TRRAP: variants seen among roughly 807,000 people sequenced by gnomAD.
The protein encoded by TRRAP is transformation/transcription domain associated protein.
Under a neutral mutation model 438.8 loss-of-function variants are expected in TRRAP, and 41 were observed. The ratio of observed to expected loss-of-function variants is 0.09; its 90% confidence interval spans 0.07 to 0.12. The LOEUF is 0.12. TRRAP is among the 10% of genes least tolerant of loss of function. TRRAP has a pLI of 1.00. For missense variants in TRRAP, 3,122 were observed against 5,055.1 expected (o/e 0.62, Z 11.60); for synonymous variants, 1,994 against 1,962.9 (o/e 1.02, Z -0.42).
At position 99,008,528 on chromosome 7, in the gene TRRAP, G is replaced by A. The variant is rs149654185; in HGVS notation, c.10905G>A (p.Thr3635=). 1.8e-5 allele frequency: 29 copies of A among 1,613,960 alleles called. No homozygotes were observed. Among genetic ancestry groups the A allele is most frequent in the Middle Eastern group, 1.6e-4 (1 of 6,062 alleles). Residue 3635 remains threonine, a synonymous_variant, in exon 70 of 73, where the codon ACG becomes ACA. Transcript: ENST00000456197. The part of the protein sequence containing the change: ...PISRYYDRLA[T]VQARGTQASH... ...CCCGTTACTATGACCGGCTGGCTAC[G>A]GTGCAGGCGCGGGGAACCCAAGCCA...
intron 46 of TRRAP, 69 bp from the exon 47 acceptor site, chr7:98,962,233 G>A: frequency 6.2e-7 from 1 of 1,607,378 alleles, no homozygotes; most frequent in Non-Finnish European, 8.5e-7. Context: ...CCAGCACTCA[G>A]TCCCTGGCAT....
intron 48 of TRRAP, among the ~76,000 whole-genome samples, chr7:98,965,316 C>T (rs1200303505): frequency 6.6e-6 from 1 of 152,218 alleles, no homozygotes; most frequent in African/African-American, 2.4e-5. Flanking sequence ...TCACAGGCTC[C>T]AGAGCTGAGC....
intron 20 of TRRAP, among the ~76,000 whole-genome samples, chr7:98,920,418 C>T (rs1050688353): frequency 2.0e-5 from 3 of 150,792 alleles, no homozygotes; most frequent in East Asian, 2.0e-4. Context: ...TGCAGTGAGC[C>T]GAGATTGCAC....
At position 98,965,802 on chromosome 7, in the gene TRRAP, C is replaced by G. The variant is rs1792126470; in HGVS notation, c.7083C>G (p.Leu2361=). 2 of 1,614,028 alleles carry G rather than the reference C, an allele frequency of 1.2e-6. No homozygotes were observed. The change falls in exon 49 of 73, where the codon CTC becomes CTG. Residue 2361 remains leucine (L), a synonymous_variant. Coordinates refer to ENST00000456197, the MANE Select transcript of TRRAP (RefSeq NM_001375524.1). The part of the protein sequence containing the change: ...KNFIQAILTS[L]IEKSPDAKIL... ...TCATCCAGGCCATCCTGACATCCCT[C>G]ATCGAAAAATCACCAGATGCCAAAA...
intron 33 of TRRAP, among the ~76,000 whole-genome samples, chr7:98,946,587 A>G (rs1243623031): frequency 6.8e-6 from 1 of 147,486 alleles, no homozygotes; most frequent in Non-Finnish European, 1.5e-5. Flanking sequence ...CACACACCAC[A>G]TATGCACACA....
At chr7:98,919,589 A>G (rs1789689488) in intron 20 of TRRAP, among the ~76,000 whole-genome samples, 1 of 152,192 alleles carries the variant, frequency 6.6e-6, no homozygotes, top group African/African-American at 2.4e-5. Flanking sequence ...GTGACAGAAC[A>G]AGACCCTGTT....
In TRRAP at chr7:98,976,921, C is replaced by CT. The variant is rs750091842; in HGVS notation, c.8248-16dup. On this transcript the variant is annotated splice_polypyrimidine_tract_variant and intron_variant, in intron 55 of 72. Coordinates refer to ENST00000456197, the MANE Select transcript of TRRAP (RefSeq NM_001375524.1). The surrounding 1 kb of genome is among the most constrained non-coding windows in gnomAD (Gnocchi z 4.6). ...GTCTCTGTCTCAAGCACTCAGGAAC[C>CT]TTACTTTGTGTTTTCAGGAGATACT... The CT allele has an allele frequency of 6.2e-6, 10 of 1,613,788 alleles. No individual in the cohort carries two copies. The East Asian group carries it at 2.0e-4, about 32-fold the overall frequency.
At chr7:98,975,586 T>G (rs986279642) in intron 53 of TRRAP, among the ~76,000 whole-genome samples, 1 of 152,258 alleles carries the variant, frequency 6.6e-6, no homozygotes, top group Non-Finnish European at 1.5e-5. Flanking sequence ...CGGGCTCTAG[T>G]TGTCCAGGCG....
intron 31 of TRRAP, 131 bp from the exon 32 acceptor site, chr7:98,945,616 G>A (rs1003892575): frequency 3.8e-5 from 39 of 1,021,824 alleles, no homozygotes; most frequent in Non-Finnish European, 5.1e-5. Flanking sequence ...GTTAATTACT[G>A]TGTGCTTTCT....
intron 3 of TRRAP, among the ~76,000 whole-genome samples, chr7:98,884,082 C>G (rs992773302): frequency 1.3e-5 from 2 of 152,104 alleles, no homozygotes; most frequent in Admixed American, 1.3e-4. Context: ...TGCAGTTGGT[C>G]TAGAATAGGC....
intron 38 of TRRAP, among the ~76,000 whole-genome samples, 178 bp downstream of exon 38, chr7:98,950,440 T>C (rs1317298897): frequency 1.3e-5 from 2 of 152,078 alleles, no homozygotes; most frequent in Non-Finnish European, 2.9e-5. Flanking sequence ...GAGGATTGCT[T>C]GAGCTCAGGA....
chr7:98,913,578 GCACCTGGC>G (rs1167027306), intron 18 of TRRAP, among the ~76,000 whole-genome samples: 1 of 152,084 alleles, frequency 6.6e-6, no homozygotes, highest in Non-Finnish European at 1.5e-5. Context: ...GTGAGCCACT[GCACCTGGC>G]CTTCACTCAG....
At position 98,959,338 on chromosome 7, in the gene TRRAP, T is replaced by C. The variant is rs1791776101; in HGVS notation, c.6343-6T>C. ...AATGCCGGCTGTAACTCGGATGAAT[T>C]CCTAGGTTAATGACAACACCAACAC... On this transcript the variant is annotated splice_polypyrimidine_tract_variant and splice_region_variant and intron_variant, in intron 44 of 72. Coordinates refer to ENST00000456197, the MANE Select transcript of TRRAP (RefSeq NM_001375524.1). 1 of 1,612,388 alleles carries C rather than the reference T, an allele frequency of 6.2e-7. No individual in the cohort carries two copies. The highest frequency in any genetic ancestry group is 1.3e-5 in the African/African-American group (1 of 74,706).
At chr7:98,936,730 G>T (rs886744) in intron 28 of TRRAP, among the ~76,000 whole-genome samples, 106,300 of 151,990 alleles carry the variant, frequency 0.7, 41,680 homozygotes, top group South Asian at 0.88. Context: ...TGTCAGTGGG[G>T]TCTCTCTTCT....
intron 6 of TRRAP, among the ~76,000 whole-genome samples, chr7:98,895,375 A>G (rs1224211949): frequency 2.6e-5 from 4 of 152,238 alleles, no homozygotes; most frequent in African/African-American, 7.2e-5. Flanking sequence ...AGGCAAAGGC[A>G]TTGAAGTGTT....
intron 67 of TRRAP, among the ~76,000 whole-genome samples, chr7:98,996,241 C>G (rs1001303326): frequency 6.6e-6 from 1 of 152,090 alleles, no homozygotes; most frequent in Non-Finnish European, 1.5e-5. Flanking sequence ...TTGTGCACAC[C>G]CACATCCACC....
At chr7:98,917,394 C>A (rs782148424) in intron 19 of TRRAP, 29 bp from the exon 20 acceptor site, 2 of 1,605,124 alleles carry the variant, frequency 1.2e-6, no homozygotes, top group Admixed American at 1.7e-5. Flanking sequence ...AGCGTCTTCC[C>A]TCTCTGATAG....
chr7:98,907,140 A>G (rs969936981), intron 13 of TRRAP, among the ~76,000 whole-genome samples: 1 of 152,138 alleles, frequency 6.6e-6, no homozygotes, highest in African/African-American at 2.4e-5. Context: ...CCTGACCAAC[A>G]TGAAGAAACC....
chr7:98,970,464 C>T (rs566511771), intron 52 of TRRAP, among the ~76,000 whole-genome samples, 173 bp downstream of exon 52: 3 of 152,152 alleles, frequency 2.0e-5, no homozygotes, highest in Admixed American at 6.5e-5. Context: ...GGTGAGGCCC[C>T]GCGCCCCACG....
Sources: allele counts gnomAD v4.1 joint callset (sites outside exome capture counted in the v4.1 genomes callset), GRCh38; gene constraint gnomAD v4.1.1; non-coding constraint Gnocchi (gnomAD v3.1); transcripts MANE v1.5; gene names NCBI Gene and HGNC (gene_info 2026-07-23, HGNC 2026-07-21).